FLT4: variants seen among roughly 807,000 people sequenced by gnomAD.
The protein encoded by FLT4 is vascular endothelial growth factor receptor 3.
A neutral mutation model predicts 163.2 loss-of-function variants in FLT4; 30 were observed. The observed-to-expected ratio is 0.18, with a 90% confidence interval of 0.14 to 0.25. FLT4 has a LOEUF of 0.25. FLT4 is among the 10% of genes least tolerant of loss of function. FLT4 has a pLI of 1.00. For missense variants in FLT4, 1,510 were observed against 1,863.8 expected, an observed-to-expected ratio of 0.81 and a Z score of 3.50; for synonymous variants, 884 against 789.5, an observed-to-expected ratio of 1.12 and a Z score of -2.01.
chr5:180,648,228 G>A (rs753756752), intron 1 of FLT4, among the ~76,000 whole-genome samples: 5 of 152,192 alleles, frequency 3.3e-5, no homozygotes, highest in South Asian at 2.1e-4. Context: ...TGGCCTGCCC[G>A]ACTCGGAGGC....
chr5:180,611,782 G>A, intron 26 of FLT4: 1 of 493,752 alleles, frequency 2.0e-6, no homozygotes, highest in Non-Finnish European at 3.7e-6. Context: ...ACAGATAAGG[G>A]GTCAAGGTAG....
chr5:180,603,903 T>TAAAA lies in FLT4; in HGVS notation c.3894-517_3894-514dup, dbSNP rs3053717. Among the ~76,000 whole-genome samples the TAAAA allele has an allele frequency of 3.0e-3, 432 of 142,822 alleles. 1 individual carries two copies. The highest frequency in any genetic ancestry group is 0.01 in the African/African-American group (399 of 38,236). 93.7% of individuals were successfully genotyped at this position (142,822 alleles called of 152,430 possible). On this transcript the variant is annotated intron_variant, in intron 29 of 29. Coordinates refer to ENST00000261937, the MANE Select transcript of FLT4 (RefSeq NM_182925.5). Reference sequence around the variant, plus strand: ...TGGGCGACAGAGTGAGACTCCATCTTAAAAAAAAAAAAAATTGCTTGAGCC... The same window carrying TAAAA: ...TGGGCGACAGAGTGAGACTCCATCTTAAAAAAAAAAAAAAAAAATTGCTTGAGCC...
chr5:180,617,928 C>T (rs1477753148), intron 21 of FLT4, among the ~76,000 whole-genome samples: 3 of 47,022 alleles, frequency 6.4e-5, no homozygotes, highest in African/African-American at 1.8e-4. Context: ...ACGTCCTACT[C>T]CCAGAGCACC....
intron 26 of FLT4, 140 bp downstream of exon 26, chr5:180,612,366 T>C (rs1420314219): frequency 8.4e-6 from 6 of 717,022 alleles, no homozygotes; most frequent in Non-Finnish European, 1.5e-5. Context: ...GAGGTGTGGA[T>C]AGGGGCCCAG....
At chr5:180,631,658 G>T in intron 2 of FLT4, 24 bp downstream of exon 2, 1 of 1,575,336 alleles carries the variant, frequency 6.3e-7, no homozygotes, top group Non-Finnish European at 8.7e-7. Context: ...TCTCTGGCCT[G>T]CCAGTGGGAG....
rs148231233 is a variant in FLT4 at position 180,636,725 on chromosome 5, C to T, written c.59-4947G>A. On this transcript the variant is annotated intron_variant, in intron 1 of 29. Transcript: ENST00000261937. The surrounding 1 kb of genome is among the most constrained non-coding windows in gnomAD (Gnocchi z 4.3). ...GTCATCACCAGAGACCGCGCCATCC[C>T]GGAACACCTGTCTTCTACGTCTCTC... Among the ~76,000 whole-genome samples the T allele has an allele frequency of 1.2e-4, 19 of 152,162 alleles. No homozygotes were observed. The highest frequency in any genetic ancestry group is 2.6e-4 in the Admixed American group (4 of 15,290).
intron 1 of FLT4, among the ~76,000 whole-genome samples, chr5:180,638,481 C>T (rs544799336): frequency 1.6e-3 from 243 of 152,290 alleles, no homozygotes; most frequent in Non-Finnish European, 2.7e-3. Flanking sequence ...CCGCTCTTGT[C>T]GTCCTCCAGG....
intron 26 of FLT4, 59 bp from the exon 27 acceptor site, chr5:180,611,538 C>G: frequency 6.3e-7 from 1 of 1,582,704 alleles, no homozygotes; most frequent in Non-Finnish European, 8.6e-7. Context: ...CCTCAGCCCT[C>G]GCCCCCACCC....
Position 180,608,991 on chromosome 5 carries a change from C to A in FLT4, c.3870G>T (p.Arg1290Ser). ...ASEEFEQIESRHRQESGFSCK... is the reference protein window; with the variant it reads ...ASEEFEQIESSHRQESGFSCK... ...ACCTGAAGCCGCTTTCTTGTCTATG[C>A]CTGCTCTCTATCTGCTCAAACTCCT... The change falls in exon 29 of 30, where the codon AGG (arginine) becomes AGT (serine). Residue 1290 changes from arginine to serine, a missense_variant. This residue lies in a region of FLT4 where 295 missense variants were observed against 311.0 expected (regional missense o/e 0.95). Transcript: ENST00000261937. 5.0e-6 allele frequency: 8 copies of A among 1,614,180 alleles called. No individual in the cohort carries two copies. The highest frequency in any genetic ancestry group is 5.9e-6 in the Non-Finnish European group (7 of 1,179,996).
chr5:180,603,791 C>T (rs1473354239), intron 29 of FLT4, among the ~76,000 whole-genome samples: 1 of 152,076 alleles, frequency 6.6e-6, no homozygotes, highest in Non-Finnish European at 1.5e-5. Context: ...GTAGTCCCAG[C>T]TACTCGGGAG....
intron 8 of FLT4, among the ~76,000 whole-genome samples, chr5:180,627,161 T>C (rs1763688792): frequency 6.6e-6 from 1 of 152,200 alleles, no homozygotes; most frequent in Non-Finnish European, 1.5e-5. Context: ...GCTCCTCCTT[T>C]GGACAGGTGC....
chr5:180,631,659 C>T (rs530013825), intron 2 of FLT4, 23 bp downstream of exon 2: 1 of 1,579,476 alleles, frequency 6.3e-7, no homozygotes. Context: ...CTCTGGCCTG[C>T]CAGTGGGAGA....
At chr5:180,617,169 A>T (rs1466844818) in intron 21 of FLT4, among the ~76,000 whole-genome samples, 175 bp from the exon 22 acceptor site, 1 of 60,770 alleles carries the variant, frequency 1.6e-5, no homozygotes. Context: ...GGACACCCAC[A>T]TCCTACTCCA....
At chr5:180,604,025 CAAG>C (rs1761659965) in intron 29 of FLT4, among the ~76,000 whole-genome samples, 1 of 152,020 alleles carries the variant, frequency 6.6e-6, no homozygotes, top group African/African-American at 2.4e-5. Flanking sequence ...TAACAAAAAA[CAAG>C]GAGGGACTGG....
At position 180,641,990 on chromosome 5, in the gene FLT4, G is replaced by T. The variant is rs192303469; in HGVS notation, c.58+7498C>A. Among the ~76,000 whole-genome samples the T allele has an allele frequency of 1.3e-4, 20 of 152,146 alleles. 1 individual carries two copies. The highest frequency in any genetic ancestry group is 1.1e-3 in the Admixed American group (17 of 15,262). On this transcript the variant is annotated intron_variant, in intron 1 of 29. Coordinates refer to ENST00000261937, the MANE Select transcript of FLT4 (RefSeq NM_182925.5). ...TTGGGAGGCCAAGGTGGGCGGATCA[G>T]GAGGTCAAGAGATTGAGACCATCCT...
At chr5:180,648,666 A>C (rs1366112489) in intron 1 of FLT4, among the ~76,000 whole-genome samples, 3 of 151,156 alleles carry the variant, frequency 2.0e-5, no homozygotes, top group Non-Finnish European at 3.0e-5. Context: ...CTCATCCCCC[A>C]CAGTCCCTCT....
intron 10 of FLT4, 69 bp downstream of exon 10, chr5:180,625,800 G>A (rs541716250): frequency 6.8e-7 from 1 of 1,464,424 alleles, no homozygotes; most frequent in South Asian, 1.2e-5. Context: ...GTGCTGTAAA[G>A]GAGGTTCCTC....
At chr5:180,641,561 G>C (rs571817805) in intron 1 of FLT4, among the ~76,000 whole-genome samples, 1 of 152,078 alleles carries the variant, frequency 6.6e-6, no homozygotes, top group African/African-American at 2.4e-5. Flanking sequence ...GGAGCTGCTG[G>C]CTGAGCTGGG....
At chr5:180,629,073 C>G in intron 7 of FLT4, 74 bp from the exon 8 acceptor site, 1 of 1,473,428 alleles carries the variant, frequency 6.8e-7, no homozygotes, top group Admixed American at 1.7e-5. Context: ...CCCCCACGGC[C>G]CCTGCAGCCC....
Sources: allele counts gnomAD v4.1 joint callset (sites outside exome capture counted in the v4.1 genomes callset), GRCh38; gene constraint gnomAD v4.1.1; regional missense constraint gnomAD v4.1.1; non-coding constraint Gnocchi (gnomAD v3.1); transcripts MANE v1.5; gene names NCBI Gene and HGNC (gene_info 2026-07-23, HGNC 2026-07-21).